The following TNPO1 variants were observed in gnomAD, a reference collection of about 807,000 sequenced individuals.
TNPO1 encodes transportin 1.
Under a neutral mutation model 119.5 loss-of-function variants are expected in TNPO1, and 8 were observed. That is an observed-to-expected ratio of 0.07 (90% confidence interval 0.04 to 0.12). The LOEUF (loss-of-function observed/expected upper bound fraction) is 0.12. Ranked by LOEUF, TNPO1 falls within the 10% of genes least tolerant of loss-of-function variation. The pLI, the probability that TNPO1 is intolerant of heterozygous loss-of-function variation, is 1.00. For synonymous variants in TNPO1, 362 were observed against 363.0 expected, an observed-to-expected ratio of 1.00 and a Z score of 0.03; for missense variants, 576 against 1,089.8, an observed-to-expected ratio of 0.53 and a Z score of 6.64.
Position 72,896,080 on chromosome 5 carries a change from A to G in TNPO1, c.2144-378A>G, listed in dbSNP as rs187305503. Among the ~76,000 whole-genome samples, 304 of 152,172 alleles carry G rather than the reference A, an allele frequency of 2.0e-3. 3 individuals are homozygous for G. Among genetic ancestry groups the G allele is most frequent in the African/African-American group, 7.1e-3 (294 of 41,544 alleles). ...CCACAATCAGAGCACAAGAGTGAAA[A>G]TTGCTTTAAAAGCCAAAATCATTGA... On this transcript the variant is annotated intron_variant, in intron 18 of 24. Transcript: ENST00000337273.
chr5:72,891,143 C>T (rs1749019678), intron 14 of TNPO1, among the ~76,000 whole-genome samples: 1 of 151,830 alleles, frequency 6.6e-6, no homozygotes, highest in Non-Finnish European at 1.5e-5. Context: ...ATGCCCAGCC[C>T]CAGAACTAAA....
At chr5:72,848,578 G>T (rs1275030080) in intron 2 of TNPO1, 80 bp downstream of exon 2, 4 of 785,596 alleles carry the variant, frequency 5.1e-6, no homozygotes, top group Non-Finnish European at 7.1e-6. Flanking sequence ...GGGGGCTCCC[G>T]TCGCCTCCGC....
intron 20 of TNPO1, among the ~76,000 whole-genome samples, chr5:72,897,605 A>G (rs1561357338): frequency 6.6e-6 from 1 of 151,172 alleles, no homozygotes; most frequent in Non-Finnish European, 1.5e-5. Context: ...GAATTTAGGC[A>G]GTATGTTATG....
chr5:72,908,549 T>C (rs1192523099), intron 24 of TNPO1, among the ~76,000 whole-genome samples, 160 bp from the exon 25 acceptor site: 2 of 152,212 alleles, frequency 1.3e-5, no homozygotes, highest in Non-Finnish European at 1.5e-5. Context: ...GGAAGCAGCA[T>C]GGTTATAAGT....
At chr5:72,850,378 TGTTG>T (rs958083438) in intron 2 of TNPO1, among the ~76,000 whole-genome samples, 4 of 152,226 alleles carry the variant, frequency 2.6e-5, no homozygotes, top group Non-Finnish European at 4.4e-5. Flanking sequence ...GAGACTATGT[TGTTG>T]GTTCGTTTAC....
intron 1 of TNPO1, among the ~76,000 whole-genome samples, chr5:72,826,092 A>G: frequency 6.6e-6 from 1 of 151,910 alleles, no homozygotes; most frequent in East Asian, 1.9e-4. Context: ...TCTGAAATGT[A>G]CTTCTTCCAC....
chr5:72,833,986 A>C (rs1168177148), intron 1 of TNPO1, among the ~76,000 whole-genome samples: 1 of 152,130 alleles, frequency 6.6e-6, no homozygotes, highest in Non-Finnish European at 1.5e-5. Flanking sequence ...GCATAATATG[A>C]GGTGCACCCT....
At chr5:72,877,369 G>A (rs1580441457) in intron 9 of TNPO1, 23 bp downstream of exon 9, 2 of 1,210,166 alleles carry the variant, frequency 1.7e-6, no homozygotes, top group Non-Finnish European at 2.4e-6. Context: ...TCTTATAAAT[G>A]CTGCCTTGTT....
At chr5:72,840,517 G>A (rs904053228) in intron 1 of TNPO1, among the ~76,000 whole-genome samples, 4 of 152,126 alleles carry the variant, frequency 2.6e-5, no homozygotes, top group African/African-American at 9.7e-5. Flanking sequence ...CCACATACTA[G>A]CTGGGCAAGC....
chr5:72,872,921 C>G (rs1414645233), intron 7 of TNPO1, among the ~76,000 whole-genome samples: 1 of 152,110 alleles, frequency 6.6e-6, no homozygotes, highest in African/African-American at 2.4e-5. Flanking sequence ...GGCACTTTTA[C>G]TAATTTTTCT....
intron 1 of TNPO1, among the ~76,000 whole-genome samples, chr5:72,828,487 A>G (rs1744302289): frequency 6.6e-6 from 1 of 152,122 alleles, no homozygotes; most frequent in South Asian, 2.1e-4. Flanking sequence ...ATTTTGCTAC[A>G]TTTGTTTGCT....
intron 18 of TNPO1, among the ~76,000 whole-genome samples, chr5:72,895,580 CA>C (rs1462143002): frequency 6.6e-6 from 1 of 151,948 alleles, no homozygotes; most frequent in Non-Finnish European, 1.5e-5. Flanking sequence ...TGATCTGGCC[CA>C]AACTGTCAAT....
intron 13 of TNPO1, among the ~76,000 whole-genome samples, chr5:72,888,928 C>T (rs1045244961): frequency 2.0e-5 from 3 of 152,088 alleles, no homozygotes; most frequent in African/African-American, 4.8e-5. Context: ...TTCCAGTTTC[C>T]TGCAATATAC....
intron 1 of TNPO1, 150 bp from the exon 2 acceptor site, chr5:72,848,235 C>T (rs1419589590): frequency 6.3e-6 from 8 of 1,260,438 alleles, no homozygotes; most frequent in Non-Finnish European, 7.0e-6. Flanking sequence ...TGACTTCCTT[C>T]GGGGCACCTC....
At chr5:72,831,836 A>G (rs1310510481) in intron 1 of TNPO1, among the ~76,000 whole-genome samples, 1 of 152,054 alleles carries the variant, frequency 6.6e-6, no homozygotes, top group Admixed American at 6.6e-5. Flanking sequence ...TGCTCTAAGT[A>G]CATTAATTGT....
intron 1 of TNPO1, among the ~76,000 whole-genome samples, chr5:72,823,113 G>GTTGCTTTC (rs1744046627): frequency 6.6e-6 from 1 of 151,920 alleles, no homozygotes; most frequent in Non-Finnish European, 1.5e-5. Context: ...ATGGAAACCG[G>GTTGCTTTC]ACTCTCTTCC....
At position 72,855,756 on chromosome 5, in the gene TNPO1, A is replaced by G. The variant is rs1745947352; in HGVS notation, c.206-18A>G. Reference sequence around the variant, plus strand: ...TAAGACTACTTCAAAACTCATTACTATTACTATTTTATTACAGATGAACCC... The same window carrying G: ...TAAGACTACTTCAAAACTCATTACTGTTACTATTTTATTACAGATGAACCC... On this transcript the variant is annotated intron_variant, in intron 3 of 24. Coordinates refer to ENST00000337273, the MANE Select transcript of TNPO1 (RefSeq NM_002270.4). 2 of 1,575,358 alleles carry G rather than the reference A, an allele frequency of 1.3e-6. No individual in the cohort carries two copies. Among genetic ancestry groups the G allele is most frequent in the Non-Finnish European group, 1.7e-6 (2 of 1,159,856 alleles).
intron 8 of TNPO1, among the ~76,000 whole-genome samples, chr5:72,876,953 G>T (rs141601127): frequency 0.022 from 3,331 of 151,970 alleles, 59 homozygotes; most frequent in Non-Finnish European, 0.029. Context: ...AAATTAGCCG[G>T]GTGTGGTGGC....
At chr5:72,863,387 G>A (rs776626108) in intron 5 of TNPO1, among the ~76,000 whole-genome samples, 3 of 152,048 alleles carry the variant, frequency 2.0e-5, no homozygotes, top group Non-Finnish European at 4.4e-5. Flanking sequence ...TGGGTGGATT[G>A]CATGAGTTCA....
Sources: gnomAD v4.1 joint callset for allele counts (sites outside exome capture counted in the v4.1 genomes callset) on GRCh38, gnomAD v4.1.1 for gene constraint, MANE v1.5 for transcripts, NCBI Gene and HGNC (gene_info 2026-07-23, HGNC 2026-07-21) for gene names.